Variants in SPINT2 observed in about 807,000 individuals in gnomAD.
The protein encoded by SPINT2 is serine peptidase inhibitor, Kunitz type 2.
SPINT2 carries 18 observed loss-of-function variants against 30.1 expected under a neutral mutation model. That is an observed-to-expected ratio of 0.60 (90% CI 0.41 to 0.89). The LOEUF (loss-of-function observed/expected upper bound fraction) is 0.89, where lower values mean the gene tolerates loss of function less well. SPINT2 is among the 40% of genes least tolerant of loss of function. The probability of loss-of-function intolerance (pLI) is 0.00; values close to 1 mark genes in which losing one functional copy is unlikely to be tolerated. For synonymous variants in SPINT2, 139 were observed against 137.9 expected (o/e 1.01, Z -0.05); for missense variants, 276 against 334.3 (o/e 0.83, Z 1.36).
At chr19:38,276,766 A>G (rs1358102603) in intron 1 of SPINT2, among the ~76,000 whole-genome samples, 1 of 152,178 alleles carries the variant, frequency 6.6e-6, no homozygotes, top group South Asian at 2.1e-4. Flanking sequence ...AATGAGGGGT[A>G]TGCAAAGGGT....
At chr19:38,270,488 A>G (rs746925658) in intron 1 of SPINT2, among the ~76,000 whole-genome samples, 3 of 152,214 alleles carry the variant, frequency 2.0e-5, no homozygotes, top group Non-Finnish European at 4.4e-5. Flanking sequence ...AATGAGAGGA[A>G]GACAGTACAA....
rs534772064 is a variant in SPINT2 at position 38,273,011 on chromosome 19, C to T, written c.106+8013C>T. ...TGCTGGGGTTACAGGCGTGAGCCAC[C>T]GTGCCCGGCCTGAAATGTAAACTTT... is the stretch of plus-strand genomic sequence containing the variant. On this transcript the variant is annotated intron_variant, in intron 1 of 6. Coordinates refer to ENST00000301244, the MANE Select transcript of SPINT2 (RefSeq NM_021102.4). 2.4e-3 allele frequency among the ~76,000 whole-genome samples: 358 copies of T among 151,588 alleles called. 1 individual carries two copies. The highest frequency in any genetic ancestry group is 5.6e-3 in the Admixed American group (85 of 15,238).
At chr19:38,286,264 C>T (rs554129112) in intron 2 of SPINT2, among the ~76,000 whole-genome samples, 35 of 152,256 alleles carry the variant, frequency 2.3e-4, no homozygotes, top group Middle Eastern at 3.4e-3. Context: ...AGGACCGCCC[C>T]GGGGAGCAGG....
intron 1 of SPINT2, among the ~76,000 whole-genome samples, chr19:38,269,209 T>G (rs1269582505): frequency 1.3e-5 from 2 of 152,166 alleles, no homozygotes; most frequent in East Asian, 3.9e-4. Context: ...ATCATTCTCC[T>G]GCTTCAGCCT....
At chr19:38,288,345 C>T in intron 3 of SPINT2, 1 of 345,644 alleles carries the variant, frequency 2.9e-6, no homozygotes, top group South Asian at 2.4e-5. Context: ...CTGTCCCCTG[C>T]CCCGTGGGCA....
chr19:38,279,191 G>GT (rs1316521585), intron 1 of SPINT2, among the ~76,000 whole-genome samples: 1 of 147,942 alleles, frequency 6.8e-6, no homozygotes, highest in Non-Finnish European at 1.5e-5. Context: ...TGAAATTTGA[G>GT]TAAAAAAAAA....
rs1265970496 is a variant in SPINT2, at chr19:38,292,240, A to G, written c.*234A>G. 1.9e-6 allele frequency: 1 copy of G among 518,252 alleles called. No individual in the cohort carries two copies. The highest frequency in any genetic ancestry group is 3.5e-6 in the Non-Finnish European group (1 of 289,632). The allele number at this position is 518,252 out of a possible 1,614,324, so 32.1% of individuals were successfully genotyped here. The stretch of plus-strand genomic sequence containing the variant: ...GCAGCCCCGAGTTGTTTCCTCGCTG[A>G]TCGATTTCTTTCCTCCAGGTAGAGT... On this transcript the variant is annotated 3_prime_UTR_variant, in exon 7 of 7. Coordinates refer to ENST00000301244, the MANE Select transcript of SPINT2 (RefSeq NM_021102.4).
At position 38,264,815 on chromosome 19, in the gene SPINT2, C is replaced by G; in HGVS notation, c.-78C>G. Reference sequence around the variant, plus strand: ...CGCGAGGCGCTCCATTGCGCGTGCGCGTTGAGGGGCTTCCCGCACCTGATC... The same window carrying G: ...CGCGAGGCGCTCCATTGCGCGTGCGGGTTGAGGGGCTTCCCGCACCTGATC... On this transcript the variant is annotated 5_prime_UTR_variant, in exon 1 of 7. Coordinates refer to ENST00000301244, the MANE Select transcript of SPINT2 (RefSeq NM_021102.4). 1 of 1,435,158 alleles carries G rather than the reference C, an allele frequency of 7.0e-7. No homozygotes were observed. Among genetic ancestry groups the G allele is most frequent in the Non-Finnish European group, 9.4e-7 (1 of 1,060,358 alleles). 88.9% of individuals were successfully genotyped at this position (1,435,158 alleles called of 1,614,324 possible).
Position 38,283,760 on chromosome 19 carries a change from C to G in SPINT2, c.240C>G (p.Thr80=), listed in dbSNP as rs112235785. 7.4e-6 allele frequency: 12 copies of G among 1,613,166 alleles called. No individual in the cohort carries two copies. Among genetic ancestry groups the G allele is most frequent in the African/African-American group, 2.7e-5 (2 of 74,704 alleles). Reference sequence around the variant, plus strand: ...ACGGAAACAGCAATAATTACCTGACCAAGGAGGAGTGCCTCAAGAAATGTG... The same window carrying G: ...ACGGAAACAGCAATAATTACCTGACGAAGGAGGAGTGCCTCAAGAAATGTG... The part of the protein sequence containing the change: ...GCDGNSNNYL[T]KEECLKKCAT... Residue 80 remains threonine, a synonymous_variant, in exon 2 of 7, where the codon ACC becomes ACG. Transcript: ENST00000301244.
chr19:38,288,732 T>G, intron 3 of SPINT2: 1 of 241,306 alleles, frequency 4.1e-6, no homozygotes, highest in South Asian at 5.1e-5. Context: ...AGGCCTGGAG[T>G]CCTGTGCCTG....
Position 38,290,133 on chromosome 19 carries a change from A to G in SPINT2, c.406A>G (p.Asn136Asp), listed in dbSNP as rs1195665162. ...CTTACTCCTAGAATACTGCACCGCC[A>G]ACGCAGTCACTGGGCCTTGCCGTGC... ...MFNYEEYCTA[N>D]AVTGPCRASF... Residue 136 changes from asparagine to aspartate, a missense_variant, in exon 5 of 7, where the codon AAC becomes GAC. By Grantham distance (23) the Asn-to-Asp change is conservative. Coordinates refer to ENST00000301244, the MANE Select transcript of SPINT2 (RefSeq NM_021102.4). The surrounding 1 kb of genome is among the most constrained non-coding windows in gnomAD (Gnocchi z 4.3). 5.0e-6 allele frequency: 8 copies of G among 1,612,546 alleles called. No homozygotes were observed. The Admixed American group carries it at 1.3e-4, about 27-fold the overall frequency.
At chr19:38,291,547 G>C (rs1194269629) in intron 6 of SPINT2, 2 of 403,278 alleles carry the variant, frequency 5.0e-6, no homozygotes, top group Non-Finnish European at 9.2e-6. Flanking sequence ...GTTGCCCTGA[G>C]AGTTGGGTTT....
chr19:38,290,316 C>T lies in SPINT2; in HGVS notation c.553+36C>T. ...AGCCCCTCAGCCCAGGAAGCCCTGC[C>T]CTTGAGGACCCCGGTCCATCTCCCC... is the stretch of plus-strand genomic sequence containing the variant. On this transcript the variant is annotated intron_variant, in intron 5 of 6. Transcript: ENST00000301244. The surrounding 1 kb of genome is among the most constrained non-coding windows in gnomAD (Gnocchi z 4.3). The T allele has an allele frequency of 1.2e-6, 2 of 1,605,910 alleles. No homozygotes were observed. Among genetic ancestry groups the T allele is most frequent in the Middle Eastern group, 2.3e-4 (1 of 4,436 alleles).
chr19:38,270,713 A>C (rs1265919330), intron 1 of SPINT2, among the ~76,000 whole-genome samples: 1 of 152,168 alleles, frequency 6.6e-6, no homozygotes, highest in East Asian at 1.9e-4. Flanking sequence ...GAGAAATCAC[A>C]CTTCTCCTCT....
At chr19:38,287,265 T>A (rs906777423) in intron 2 of SPINT2, among the ~76,000 whole-genome samples, 4 of 152,002 alleles carry the variant, frequency 2.6e-5, no homozygotes, top group African/African-American at 9.7e-5. Flanking sequence ...GTGGTGCGAT[T>A]TCGGCTCACT....
In SPINT2 at chr19:38,264,644, T is replaced by G; in HGVS notation, c.-249T>G. 1 of 512,988 alleles carries G rather than the reference T, an allele frequency of 1.9e-6. No individual in the cohort carries two copies. Among genetic ancestry groups the G allele is most frequent in the Admixed American group, 3.4e-5 (1 of 29,250 alleles). 31.8% of individuals were successfully genotyped at this position (512,988 alleles called of 1,614,324 possible). On this transcript the variant is annotated 5_prime_UTR_variant, in exon 1 of 7. Coordinates refer to ENST00000301244, the MANE Select transcript of SPINT2 (RefSeq NM_021102.4). Reference sequence around the variant, plus strand: ...TCTGAACGCGCTGAGGGCCGTTGAGTGTCGCAGGCGGCGAGGGCGCGAGTG... The same window carrying G: ...TCTGAACGCGCTGAGGGCCGTTGAGGGTCGCAGGCGGCGAGGGCGCGAGTG...
Position 38,292,188 on chromosome 19 carries a change from C to G in SPINT2, c.*182C>G. On this transcript the variant is annotated 3_prime_UTR_variant, in exon 7 of 7. Coordinates refer to ENST00000301244, the MANE Select transcript of SPINT2 (RefSeq NM_021102.4). ...TGCTTTGGAAATCCTCTAGGAGGCT[C>G]CTCCTCGCATGGCCTGCAGTCTGGC... is the stretch of plus-strand genomic sequence containing the variant. 2.6e-6 allele frequency: 2 copies of G among 776,986 alleles called. No homozygotes were observed. The highest frequency in any genetic ancestry group is 3.5e-5 in the African/African-American group (2 of 57,944). 48.1% of individuals were successfully genotyped at this position (776,986 alleles called of 1,614,324 possible).
At position 38,285,501 on chromosome 19, in the gene SPINT2, C is replaced by T. The variant is rs192584515; in HGVS notation, c.277+1704C>T. Among the ~76,000 whole-genome samples the T allele has an allele frequency of 9.2e-5, 14 of 152,262 alleles. No individual in the cohort carries two copies. In the East Asian group the frequency reaches 2.3e-3, roughly 25 times the overall value. On this transcript the variant is annotated intron_variant, in intron 2 of 6. Coordinates refer to ENST00000301244, the MANE Select transcript of SPINT2 (RefSeq NM_021102.4). ...CTGGGACTACAGGCGTGCACCTCCA[C>T]ACCTGGCTAATTTTTGTGTATTTGG... is the stretch of plus-strand genomic sequence containing the variant.
rs908037513 is a variant in SPINT2 at position 38,264,581 on chromosome 19, C to G, written c.-312C>G. 6.5e-6 allele frequency: 2 copies of G among 308,846 alleles called. No individual in the cohort carries two copies. Among genetic ancestry groups the G allele is most frequent in the African/African-American group, 4.5e-5 (2 of 44,848 alleles). 19.1% of individuals were successfully genotyped at this position (308,846 alleles called of 1,614,324 possible). On this transcript the variant is annotated 5_prime_UTR_variant, in exon 1 of 7. Coordinates refer to ENST00000301244, the MANE Select transcript of SPINT2 (RefSeq NM_021102.4). The stretch of plus-strand genomic sequence containing the variant: ...GCTTCCAATAGGCGTTCGCCATTGG[C>G]TCTGGCGACCTCCGCGCGTTGGGAG...
Sources: allele counts gnomAD v4.1 joint callset (sites outside exome capture counted in the v4.1 genomes callset), GRCh38; gene constraint gnomAD v4.1.1; non-coding constraint Gnocchi (gnomAD v3.1); transcripts MANE v1.5; gene names NCBI Gene and HGNC (gene_info 2026-07-23, HGNC 2026-07-21).